The following TMEM117 variants were observed in gnomAD, a reference collection of about 807,000 sequenced individuals.
TMEM117 encodes transmembrane protein 117.
Under a neutral mutation model 52.4 loss-of-function variants are expected in TMEM117, and 27 were observed. The ratio of observed to expected loss-of-function variants is 0.51; its 90% CI spans 0.38 to 0.71. The LOEUF (loss-of-function observed/expected upper bound fraction) is 0.71. Among genes scored for constraint, TMEM117 ranks in the 30% least tolerant of loss-of-function variants. TMEM117 has a pLI of 0.00. For synonymous variants in TMEM117, 215 were observed against 206.3 expected (o/e 1.04, Z -0.36); for missense variants, 556 against 630.5 (o/e 0.88, Z 1.26).
chr12:43,879,974 A>G (rs916952125), intron 2 of TMEM117, among the ~76,000 whole-genome samples: 5 of 152,230 alleles, frequency 3.3e-5, no homozygotes, highest in African/African-American at 1.2e-4. Context: ...ATCTGTTTCT[A>G]CCAAGACAGA....
intron 2 of TMEM117, among the ~76,000 whole-genome samples, chr12:43,924,929 A>G (rs1944754421): frequency 6.6e-6 from 1 of 152,180 alleles, no homozygotes. Context: ...CCAGAGCTAT[A>G]GTCATCCGAA....
intron 6 of TMEM117, among the ~76,000 whole-genome samples, chr12:44,376,089 G>A (rs1010559683): frequency 6.6e-5 from 10 of 152,090 alleles, no homozygotes; most frequent in African/African-American, 1.2e-4. Flanking sequence ...TTTACATTCC[G>A]GATGGTTGCC....
chr12:44,242,015 A>T (rs531983028), intron 5 of TMEM117, among the ~76,000 whole-genome samples: 1 of 152,090 alleles, frequency 6.6e-6, no homozygotes, highest in African/African-American at 2.4e-5. Flanking sequence ...AATAAGGTTG[A>T]CGTGGCTCTG....
chr12:44,175,462 G>T (rs1949104884), intron 4 of TMEM117, among the ~76,000 whole-genome samples: 1 of 152,122 alleles, frequency 6.6e-6, no homozygotes, highest in Non-Finnish European at 1.5e-5. Context: ...ATGGCTGAAA[G>T]AAGTATAAAT....
intron 4 of TMEM117, among the ~76,000 whole-genome samples, chr12:44,180,647 T>C (rs1332448077): frequency 1.3e-5 from 2 of 151,908 alleles, no homozygotes; most frequent in African/African-American, 4.8e-5. Context: ...AATGATGATT[T>C]CCAATTTCAC....
intron 3 of TMEM117, among the ~76,000 whole-genome samples, chr12:44,132,434 C>A (rs1236747139): frequency 6.6e-6 from 1 of 151,988 alleles, no homozygotes; most frequent in Non-Finnish European, 1.5e-5. Flanking sequence ...GGCCTAACAA[C>A]TCATTGTGAA....
At chr12:44,007,353 C>CT (rs1385323707) in intron 3 of TMEM117, among the ~76,000 whole-genome samples, 2 of 152,052 alleles carry the variant, frequency 1.3e-5, no homozygotes, top group Non-Finnish European at 2.9e-5. Flanking sequence ...CTCTGAAAAA[C>CT]TTTTTTCTAA....
At chr12:44,035,313 A>ACCT in intron 3 of TMEM117, among the ~76,000 whole-genome samples, 1 of 152,244 alleles carries the variant, frequency 6.6e-6, no homozygotes, top group Non-Finnish European at 1.5e-5. Flanking sequence ...AAAGGAATTG[A>ACCT]GTAGATGACT....
At chr12:44,337,202 A>T (rs1951352892) in intron 6 of TMEM117, among the ~76,000 whole-genome samples, 1 of 152,000 alleles carries the variant, frequency 6.6e-6, no homozygotes, top group South Asian at 2.1e-4. Context: ...CAGTCTTGGT[A>T]TCCAGTGAGG....
rs570806950 is a variant in TMEM117, at chr12:43,874,641, A to G, written c.277+29713A>G. Among the ~76,000 whole-genome samples, 3 of 152,278 alleles carry G rather than the reference A, an allele frequency of 2.0e-5. No homozygotes were observed. In the East Asian group the frequency reaches 5.8e-4, roughly 29 times the overall value. On this transcript the variant is annotated intron_variant, in intron 2 of 7. Coordinates refer to ENST00000266534, the MANE Select transcript of TMEM117 (RefSeq NM_032256.3). ...ATATTAAATCCTGGGAGATAGCCTCATATAGTCTATTTTCCCCAACCATTT... is the reference window on the plus strand; with the variant it reads ...ATATTAAATCCTGGGAGATAGCCTCGTATAGTCTATTTTCCCCAACCATTT...
intron 3 of TMEM117, among the ~76,000 whole-genome samples, chr12:44,125,930 C>A (rs1033525821): frequency 6.6e-6 from 1 of 152,110 alleles, no homozygotes; most frequent in African/African-American, 2.4e-5. Flanking sequence ...TTCTCATTAG[C>A]TTCAAAGAAC....
chr12:43,875,279 A>G (rs1943776268), intron 2 of TMEM117, among the ~76,000 whole-genome samples: 1 of 151,892 alleles, frequency 6.6e-6, no homozygotes, highest in African/African-American at 2.4e-5. Context: ...GGGTAGGGCA[A>G]CAGGATAAGT....
At chr12:43,884,347 T>C (rs1167322884) in intron 2 of TMEM117, among the ~76,000 whole-genome samples, 4 of 152,032 alleles carry the variant, frequency 2.6e-5, no homozygotes, top group Admixed American at 2.6e-4. Context: ...TTATATTGTA[T>C]TATTTATTAG....
chr12:43,829,256 C>T, the TMEM117 span, among the ~76,000 whole-genome samples: 1 of 152,198 alleles, frequency 6.6e-6, no homozygotes, highest in Non-Finnish European at 1.5e-5. Flanking sequence ...ATTTCTGTAG[C>T]CTTTATGGTC....
rs1454182944 is a variant in TMEM117 at position 43,848,246 on chromosome 12, C to T, written c.277+3318C>T. Among the ~76,000 whole-genome samples the T allele has an allele frequency of 3.3e-5, 5 of 152,078 alleles. No individual in the cohort carries two copies. The South Asian group carries it at 6.2e-4, about 19-fold the overall frequency. ...GATAAACATCTTAAACAACAGAAAACAGCATTTGAGAGTAGAGAACCGGTC... is the reference window on the plus strand; with the variant it reads ...GATAAACATCTTAAACAACAGAAAATAGCATTTGAGAGTAGAGAACCGGTC... On this transcript the variant is annotated intron_variant, in intron 2 of 7. Coordinates refer to ENST00000266534, the MANE Select transcript of TMEM117 (RefSeq NM_032256.3).
At chr12:43,983,296 C>A (rs1945790504) in intron 3 of TMEM117, among the ~76,000 whole-genome samples, 1 of 151,994 alleles carries the variant, frequency 6.6e-6, no homozygotes, top group Admixed American at 6.5e-5. Context: ...AGTGCAGGAG[C>A]AATTCTTAAA....
chr12:43,804,507 A>C, the TMEM117 span: 1 of 1,589,152 alleles, frequency 6.3e-7, no homozygotes, highest in Admixed American at 1.7e-5. Context: ...TTTTCAATAG[A>C]TATTTTCAGA....
chr12:44,145,766 T>A (rs979706472), intron 4 of TMEM117, among the ~76,000 whole-genome samples: 5 of 152,148 alleles, frequency 3.3e-5, no homozygotes, highest in African/African-American at 1.2e-4. Context: ...GAGGCTAAGA[T>A]GATATGGTAC....
chr12:44,324,652 A>T (rs1951173530), intron 6 of TMEM117, among the ~76,000 whole-genome samples: 1 of 152,150 alleles, frequency 6.6e-6, no homozygotes. Flanking sequence ...CTAGGCTTCA[A>T]TCTGTGCACA....
Sources: gnomAD v4.1 joint callset for allele counts (sites outside exome capture counted in the v4.1 genomes callset) on GRCh38, gnomAD v4.1.1 for gene constraint, MANE v1.5 for transcripts, NCBI Gene and HGNC (gene_info 2026-07-23, HGNC 2026-07-21) for gene names.